PCDH11Y: variants seen among roughly 807,000 people sequenced by gnomAD.
The protein encoded by PCDH11Y is protocadherin 11 Y-linked.
For synonymous variants in PCDH11Y, 9 were observed against 83.6 expected (o/e 0.11, Z 4.87); for missense variants, 12 against 224.8 (o/e 0.05, Z 6.05).
chrY:5,411,821 A>G, intron 2 of PCDH11Y, among the ~76,000 whole-genome samples: 1 of 33,249 alleles, frequency 3.0e-5, no homozygotes, highest in Non-Finnish European at 7.4e-5. Flanking sequence ...GTTCCACACT[A>G]TCTTGGTTAC....
At chrY:5,565,582 A>G in intron 3 of PCDH11Y, among the ~76,000 whole-genome samples, 3 of 31,388 alleles carry the variant, frequency 9.6e-5, no homozygotes, top group Admixed American at 3.1e-4. Context: ...AGATGTACCC[A>G]TATTATATCC....
downstream of PCDH11Y, among the ~76,000 whole-genome samples, chrY:5,107,915 C>T (rs371179597): frequency 1.6e-4 from 5 of 31,578 alleles, no homozygotes; most frequent in East Asian, 8.6e-4. Flanking sequence ...AAAAATTAGC[C>T]GGGCGTGGTG....
intron 2 of PCDH11Y, among the ~76,000 whole-genome samples, chrY:5,258,876 A>C: frequency 3.0e-5 from 1 of 33,404 alleles, no homozygotes; most frequent in Non-Finnish European, 7.4e-5. Flanking sequence ...AGATCTGTCC[A>C]GTGCTAAAAG....
At chrY:5,210,714 T>G in intron 2 of PCDH11Y, among the ~76,000 whole-genome samples, 1 of 24,655 alleles carries the variant, frequency 4.1e-5, no homozygotes, top group African/African-American at 1.6e-4. Flanking sequence ...TGGAATGAGG[T>G]AAGGAAGAAA....
At chrY:5,094,319 GAA>G in intron 1 of PCDH11Y, among the ~76,000 whole-genome samples, 1 of 31,369 alleles carries the variant, frequency 3.2e-5, no homozygotes, top group East Asian at 8.1e-4. Flanking sequence ...CTTTATTCCT[GAA>G]GGAGATTGAA....
At chrY:5,020,428 G>A (rs2563574) in intron 1 of PCDH11Y, among the ~76,000 whole-genome samples, 3 of 32,918 alleles carry the variant, frequency 9.1e-5, no homozygotes, top group East Asian at 1.6e-3. Flanking sequence ...ACAGTAAAAC[G>A]CATTTTTTTG....
chrY:5,074,890 T>C, intron 1 of PCDH11Y, among the ~76,000 whole-genome samples: 1 of 32,345 alleles, frequency 3.1e-5, no homozygotes, highest in Non-Finnish European at 7.6e-5. Context: ...CATATGAGTA[T>C]ATTGGTATAT....
intron 2 of PCDH11Y, among the ~76,000 whole-genome samples, chrY:5,116,631 G>A (rs2052811088): frequency 3.0e-5 from 1 of 33,068 alleles, no homozygotes; most frequent in South Asian, 6.7e-4. Context: ...ATTCATAAAC[G>A]CACCCCTCTT....
At chrY:5,197,918 A>T in intron 2 of PCDH11Y, among the ~76,000 whole-genome samples, 1 of 24,673 alleles carries the variant, frequency 4.1e-5, no homozygotes, top group Middle Eastern at 0.016. Flanking sequence ...AGCATGGCAC[A>T]TGTATACATA....
At chrY:5,037,801 T>C in intron 3 of PCDH11Y, among the ~76,000 whole-genome samples, 1 of 32,627 alleles carries the variant, frequency 3.1e-5, no homozygotes, top group Non-Finnish European at 7.5e-5. Flanking sequence ...CTTTTCATTT[T>C]TTAGGGAAGA....
chrY:5,528,006 G>A, intron 3 of PCDH11Y, among the ~76,000 whole-genome samples: 1 of 33,159 alleles, frequency 3.0e-5, no homozygotes, highest in Non-Finnish European at 7.5e-5. Context: ...CTTATCCAAA[G>A]GATGACATAA....
At chrY:5,316,922 G>A in intron 2 of PCDH11Y, among the ~76,000 whole-genome samples, 10 of 33,218 alleles carry the variant, frequency 3.0e-4, no homozygotes, top group Admixed American at 1.1e-3. Context: ...TGATCTCTGT[G>A]TGATGTGAAC....
At chrY:5,214,903 A>AT (rs35982431) in intron 2 of PCDH11Y, among the ~76,000 whole-genome samples, 52 of 22,395 alleles carry the variant, frequency 2.3e-3, no homozygotes, top group East Asian at 0.011. Flanking sequence ...GAAACTTTCT[A>AT]TTTTTTTTTT....
chrY:5,704,516 C>G, intron 4 of PCDH11Y, among the ~76,000 whole-genome samples: 1 of 28,375 alleles, frequency 3.5e-5, no homozygotes, highest in South Asian at 9.0e-4. Flanking sequence ...CTGCAAGCTC[C>G]GCCTCCCGGG....
chrY:5,243,115 C>T, intron 2 of PCDH11Y, among the ~76,000 whole-genome samples: 2 of 33,639 alleles, frequency 5.9e-5, no homozygotes, highest in East Asian at 1.6e-3. Flanking sequence ...CCTCTCAGGA[C>T]AGCTATCTGG....
At chrY:5,301,015 G>T in intron 2 of PCDH11Y, among the ~76,000 whole-genome samples, 1 of 34,293 alleles carries the variant, frequency 2.9e-5, no homozygotes, top group Non-Finnish European at 7.4e-5. Context: ...GCTATAGTTT[G>T]TTCAGAAATC....
chrY:5,045,308 TG>T, intron 3 of PCDH11Y, among the ~76,000 whole-genome samples: 1 of 32,736 alleles, frequency 3.1e-5, no homozygotes, highest in Non-Finnish European at 7.5e-5. Flanking sequence ...GCAGGCCTGG[TG>T]GTGACAAAAT....
At position 5,341,825 on chromosome Y, in the gene PCDH11Y, G is replaced by A. The variant is rs2053145639; in HGVS notation, c.3130-159232G>A. Among the ~76,000 whole-genome samples, 4 of 30,467 alleles carry A rather than the reference G, an allele frequency of 1.3e-4. No individual in the cohort carries two copies. The South Asian group carries it at 3.1e-3, about 24-fold the overall frequency. The allele number at this position is 30,467 out of a possible 37,273, so 81.7% of individuals were successfully genotyped here. On this transcript the variant is annotated intron_variant, in intron 2 of 4. Coordinates refer to the PCDH11Y transcript ENST00000400457. ...ACAAAAATTAGCCGAGCGTGGTGGC[G>A]GACACCTATAATCCCAGCTACTTGG...
chrY:5,406,927 C>A (rs1602920671), intron 2 of PCDH11Y, among the ~76,000 whole-genome samples: 1 of 32,356 alleles, frequency 3.1e-5, no homozygotes, highest in African/African-American at 1.2e-4. Context: ...GTCTTTCTAC[C>A]TTTTGCTATG....
Sources: allele counts gnomAD v4.1 joint callset (sites outside exome capture counted in the v4.1 genomes callset), GRCh38; gene constraint gnomAD v4.1.1; transcripts MANE v1.5; gene names NCBI Gene and HGNC (gene_info 2026-07-23, HGNC 2026-07-21).